UBE2E2: variants seen among roughly 807,000 people sequenced by gnomAD.
UBE2E2 encodes ubiquitin conjugating enzyme E2 E2.
A neutral mutation model predicts 24.7 loss-of-function variants in UBE2E2; 6 were observed. The observed-to-expected ratio is 0.24, with a 90% CI of 0.13 to 0.48. The LOEUF (loss-of-function observed/expected upper bound fraction) is 0.48, where lower values mean the gene tolerates loss of function less well. Ranked by LOEUF, UBE2E2 falls within the 20% of genes least tolerant of loss-of-function variation. The pLI, the probability that UBE2E2 is intolerant of heterozygous loss-of-function variation, is 0.99. For missense variants in UBE2E2, 169 were observed against 245.0 expected, an observed-to-expected ratio of 0.69 and a Z score of 2.07; for synonymous variants, 104 against 83.6, an observed-to-expected ratio of 1.24 and a Z score of -1.33.
chr3:23,565,875 C>T (rs991309402), intron 5 of UBE2E2, among the ~76,000 whole-genome samples: 5 of 152,088 alleles, frequency 3.3e-5, no homozygotes, highest in African/African-American at 9.7e-5. Context: ...TAAGAACCTC[C>T]GTCATGAGAT....
At chr3:23,214,922 A>G (rs1343212787) in intron 2 of UBE2E2, among the ~76,000 whole-genome samples, 1 of 152,012 alleles carries the variant, frequency 6.6e-6, no homozygotes, top group African/African-American at 2.4e-5. Flanking sequence ...ACTCTTAATA[A>G]TACACTTATT....
At chr3:23,255,147 C>T (rs557734826) in intron 3 of UBE2E2, among the ~76,000 whole-genome samples, 90 of 132,608 alleles carry the variant, frequency 6.8e-4, no homozygotes, top group Non-Finnish European at 7.3e-4. Context: ...AGTGCAGTGG[C>T]GTGATCACAG....
intron 3 of UBE2E2, among the ~76,000 whole-genome samples, chr3:23,396,389 G>T (rs1439019558): frequency 6.7e-6 from 1 of 148,302 alleles, no homozygotes; most frequent in Non-Finnish European, 1.5e-5. Context: ...ATATATGTAT[G>T]TATATGTGTA....
At chr3:23,304,476 A>G (rs537550621) in intron 3 of UBE2E2, among the ~76,000 whole-genome samples, 2 of 152,304 alleles carry the variant, frequency 1.3e-5, no homozygotes, top group East Asian at 3.9e-4. Flanking sequence ...ATATTATGAA[A>G]AATATATTTT....
At chr3:23,227,817 T>C (rs2125329811) in intron 3 of UBE2E2, among the ~76,000 whole-genome samples, 1 of 152,340 alleles carries the variant, frequency 6.6e-6, no homozygotes, top group East Asian at 1.9e-4. Flanking sequence ...TTATGTTCCA[T>C]TGGCAGTTCA....
intron 3 of UBE2E2, among the ~76,000 whole-genome samples, chr3:23,383,005 G>A (rs1376295432): frequency 1.3e-5 from 2 of 152,134 alleles, no homozygotes; most frequent in African/African-American, 2.4e-5. Flanking sequence ...AAGAAGAGTA[G>A]TTGAACACTT....
chr3:23,439,609 T>C (rs1356165333), intron 3 of UBE2E2, among the ~76,000 whole-genome samples: 2 of 152,230 alleles, frequency 1.3e-5, no homozygotes, highest in Admixed American at 1.3e-4. Flanking sequence ...ACTCTTATAA[T>C]GAACTTTCTC....
chr3:23,437,332 A>G lies in UBE2E2; in HGVS notation c.228-62276A>G, dbSNP rs552792153. On this transcript the variant is annotated intron_variant, in intron 3 of 5. Coordinates refer to ENST00000396703, the MANE Select transcript of UBE2E2 (RefSeq NM_152653.4). ...ACTGGCCCTTTTGACTTTTCCATGC[A>G]TAGTAGGTCCCATGCCACCCACTTA... Among the ~76,000 whole-genome samples the G allele has an allele frequency of 2.6e-4, 40 of 152,262 alleles. 1 individual carries two copies. In the South Asian group the frequency reaches 6.4e-3, roughly 24 times the overall value.
At chr3:23,312,284 G>A (rs777463250) in intron 3 of UBE2E2, among the ~76,000 whole-genome samples, 4 of 152,110 alleles carry the variant, frequency 2.6e-5, no homozygotes, top group Middle Eastern at 3.4e-3. Flanking sequence ...ATAGCAATGC[G>A]AGAACAGACT....
intron 4 of UBE2E2, among the ~76,000 whole-genome samples, chr3:23,515,974 A>T (rs1694729190): frequency 6.6e-6 from 1 of 152,122 alleles, no homozygotes; most frequent in Admixed American, 6.5e-5. Context: ...GTCTCTGAAA[A>T]ACAAAACAAA....
intron 4 of UBE2E2, among the ~76,000 whole-genome samples, chr3:23,509,375 A>G (rs139587880): frequency 6.6e-6 from 1 of 152,322 alleles, no homozygotes; most frequent in Non-Finnish European, 1.5e-5. Flanking sequence ...TGGGGAAATA[A>G]TATTCTACGT....
intron 3 of UBE2E2, among the ~76,000 whole-genome samples, chr3:23,438,251 G>T (rs781569474): frequency 3.3e-5 from 5 of 152,098 alleles, no homozygotes; most frequent in Admixed American, 6.5e-5. Context: ...CAGGAATTCA[G>T]GTTCTCTAGA....
intron 3 of UBE2E2, among the ~76,000 whole-genome samples, chr3:23,475,776 G>C: frequency 6.6e-6 from 1 of 152,028 alleles, no homozygotes; most frequent in East Asian, 1.9e-4. Context: ...GGGTTTACAG[G>C]CTCTATAGAA....
intron 3 of UBE2E2, among the ~76,000 whole-genome samples, chr3:23,297,514 A>C (rs570262548): frequency 6.6e-6 from 1 of 152,232 alleles, no homozygotes; most frequent in Non-Finnish European, 1.5e-5. Flanking sequence ...ATGCAGTTTC[A>C]GCTTTCTACC....
At chr3:23,469,978 A>G (rs1698999696) in intron 3 of UBE2E2, among the ~76,000 whole-genome samples, 1 of 152,244 alleles carries the variant, frequency 6.6e-6, no homozygotes, top group African/African-American at 2.4e-5. Flanking sequence ...CATGTTGGCA[A>G]ATATTTCAAG....
chr3:23,465,376 A>G (rs1698899708), intron 3 of UBE2E2, among the ~76,000 whole-genome samples: 1 of 152,216 alleles, frequency 6.6e-6, no homozygotes, highest in South Asian at 2.1e-4. Flanking sequence ...CCCATATTAA[A>G]GCACCCCCTC....
At chr3:23,420,643 T>G (rs190271850) in intron 3 of UBE2E2, among the ~76,000 whole-genome samples, 101 of 152,354 alleles carry the variant, frequency 6.6e-4, no homozygotes, top group Non-Finnish European at 1.2e-3. Context: ...CTTTGATTTC[T>G]TTACAGTATT....
intron 4 of UBE2E2, among the ~76,000 whole-genome samples, chr3:23,523,868 G>A (rs1011236357): frequency 2.0e-5 from 3 of 149,618 alleles, no homozygotes; most frequent in African/African-American, 7.4e-5. Context: ...TAAATAAACT[G>A]TAGTTTCATA....
In UBE2E2 at chr3:23,446,699, GT is replaced by G. The variant is rs57327621; in HGVS notation, c.228-52888del. 4.4e-3 allele frequency among the ~76,000 whole-genome samples: 497 copies of G among 112,214 alleles called. 2 individuals carry two copies. Among genetic ancestry groups the G allele is most frequent in the African/African-American group, 0.01 (277 of 27,326 alleles). The allele number at this position is 112,214 out of a possible 152,430, so 73.6% of individuals were successfully genotyped here. ...CAGTTATTCATTATCCGTCTGTTTG[GT>G]TTTTTTTTTTTTTTTTTTTTATCCG... On this transcript the variant is annotated intron_variant, in intron 3 of 5. Coordinates refer to ENST00000396703, the MANE Select transcript of UBE2E2 (RefSeq NM_152653.4).
Sources: allele counts gnomAD v4.1 joint callset (sites outside exome capture counted in the v4.1 genomes callset), GRCh38; gene constraint gnomAD v4.1.1; transcripts MANE v1.5; gene names NCBI Gene and HGNC (gene_info 2026-07-23, HGNC 2026-07-21).